Variants in F13A1 observed in about 807,000 individuals in gnomAD.
The protein encoded by F13A1 is coagulation factor XIII A chain.
A neutral mutation model predicts 80.1 loss-of-function variants in F13A1; 47 were observed. That is an observed-to-expected ratio of 0.59 (90% CI 0.46 to 0.75). The LOEUF is 0.75. Ranked by LOEUF, F13A1 falls within the 30% of genes least tolerant of loss-of-function variation. F13A1 has a pLI of 0.00. For synonymous variants in F13A1, 349 were observed against 344.9 expected, an observed-to-expected ratio of 1.01 and a Z score of -0.13; for missense variants, 817 against 930.4, an observed-to-expected ratio of 0.88 and a Z score of 1.59.
At chr6:6,281,933 T>G (rs3116568) in intron 3 of F13A1, among the ~76,000 whole-genome samples, 89,062 of 148,174 alleles carry the variant, frequency 0.6, 26,944 homozygotes, top group African/African-American at 0.71. Flanking sequence ...GGCAGAGCTT[T>G]CAGTGAGCCG....
chr6:6,182,743 T>TG (rs1761012067), intron 10 of F13A1, among the ~76,000 whole-genome samples: 1 of 152,146 alleles, frequency 6.6e-6, no homozygotes, highest in Non-Finnish European at 1.5e-5. Flanking sequence ...GAGAGGCGTT[T>TG]GGGGATTTGG....
At chr6:6,168,163 C>G (rs761099375) in intron 12 of F13A1, among the ~76,000 whole-genome samples, 2 of 152,256 alleles carry the variant, frequency 1.3e-5, no homozygotes, top group Non-Finnish European at 2.9e-5. Context: ...GAGAAGGAAG[C>G]TGTTGAAACC....
chr6:6,158,475 C>A (rs991586002), intron 13 of F13A1, among the ~76,000 whole-genome samples: 1 of 152,062 alleles, frequency 6.6e-6, no homozygotes, highest in African/African-American at 2.4e-5. Flanking sequence ...CCAGGGTGAC[C>A]CTGAGAACCT....
intron 5 of F13A1, among the ~76,000 whole-genome samples, chr6:6,249,244 CT>C (rs1415552149): frequency 3.3e-5 from 5 of 152,204 alleles, no homozygotes; most frequent in Non-Finnish European, 2.9e-5. Flanking sequence ...CCACACAATT[CT>C]TTATTCAGTC....
chr6:6,154,092 G>C (rs1181119512), intron 13 of F13A1, among the ~76,000 whole-genome samples: 1 of 142,196 alleles, frequency 7.0e-6, no homozygotes, highest in African/African-American at 2.6e-5. Flanking sequence ...AGCTGGAAAA[G>C]CCAACAACTC....
chr6:6,203,844 C>T (rs75397967), intron 8 of F13A1, among the ~76,000 whole-genome samples: 2,246 of 152,256 alleles, frequency 0.015, 40 homozygotes, highest in Middle Eastern at 0.054. Context: ...TACAGATGTT[C>T]TGAGTAGTTA....
At position 6,174,865 on chromosome 6, in the gene F13A1, G is replaced by C. The variant is rs764753561; in HGVS notation, c.1462C>G (p.Gln488Glu). 5.0e-6 allele frequency: 8 copies of C among 1,613,970 alleles called. No homozygotes were observed. The highest frequency in any genetic ancestry group is 6.8e-6 in the Non-Finnish European group (8 of 1,180,034). Reference protein sequence around the residue: ...ITDTYKFQEGQEEERLALETA... With the variant: ...ITDTYKFQEGEEEERLALETA... ...TCTAGGGCCAATCTCTCTTCTTCTT[G>C]ACCTGGGGGAGATCCAGAGATAATG... The change falls in exon 12 of 15, where the codon CAA becomes GAA. Residue 488 changes from glutamine (Q) to glutamate (E), a missense_variant and splice_region_variant. Transcript: ENST00000264870.
At chr6:6,310,452 G>A (rs1213908654) in intron 2 of F13A1, among the ~76,000 whole-genome samples, 1 of 152,152 alleles carries the variant, frequency 6.6e-6, no homozygotes, top group African/African-American at 2.4e-5. Context: ...ATATGGGAAT[G>A]AAGTACCTAT....
intron 3 of F13A1, among the ~76,000 whole-genome samples, chr6:6,276,700 C>T (rs776240463): frequency 1.3e-5 from 2 of 152,082 alleles, no homozygotes; most frequent in Non-Finnish European, 2.9e-5. Flanking sequence ...GCTAATGAAC[C>T]CTCTCAGTGC....
chr6:6,223,346 C>T lies in F13A1; in HGVS notation c.974-1175G>A, dbSNP rs187375228. Among the ~76,000 whole-genome samples the T allele has an allele frequency of 1.6e-3, 247 of 152,316 alleles. 1 individual carries two copies. The highest frequency in any genetic ancestry group is 4.7e-3 in the Admixed American group (72 of 15,298). ...TCTTGTTGTGAGCCGGAAGGAATTA[C>T]ACTGGGATAGTGAAATTGTAGGCAT... is the stretch of plus-strand genomic sequence containing the variant. On this transcript the variant is annotated intron_variant, in intron 7 of 14. Transcript: ENST00000264870.
chr6:6,209,174 A>T (rs1761551282), intron 8 of F13A1, among the ~76,000 whole-genome samples: 1 of 152,152 alleles, frequency 6.6e-6, no homozygotes, highest in Non-Finnish European at 1.5e-5. Flanking sequence ...ATGGGACAAA[A>T]ATATGAATAA....
At chr6:6,289,194 T>C (rs899954752) in intron 3 of F13A1, among the ~76,000 whole-genome samples, 8 of 152,012 alleles carry the variant, frequency 5.3e-5, no homozygotes, top group South Asian at 2.1e-4. Flanking sequence ...GGGGGTGGGG[T>C]AAAGTGATTC....
chr6:6,164,985 G>C (rs1418668980), intron 13 of F13A1, among the ~76,000 whole-genome samples: 1 of 152,184 alleles, frequency 6.6e-6, no homozygotes, highest in African/African-American at 2.4e-5. Flanking sequence ...TAGGGTGTGA[G>C]TGCTTTACCC....
chr6:6,230,942 G>A lies in F13A1; in HGVS notation c.799-6082C>T, dbSNP rs139746399. ...ATGGGACAAAATAATCTGAACAACAGCCTTCAGCCCTAGACCTTCCCTCTG... is the reference window on the plus strand; with the variant it reads ...ATGGGACAAAATAATCTGAACAACAACCTTCAGCCCTAGACCTTCCCTCTG... On this transcript the variant is annotated intron_variant, in intron 6 of 14. Transcript: ENST00000264870. 7.2e-3 allele frequency among the ~76,000 whole-genome samples: 1,090 copies of A among 152,282 alleles called. 10 individuals carry two copies. Among genetic ancestry groups the A allele is most frequent in the African/African-American group, 0.025 (1,044 of 41,544 alleles).
intron 3 of F13A1, among the ~76,000 whole-genome samples, chr6:6,297,689 A>C (rs2113169243): frequency 6.7e-6 from 1 of 149,204 alleles, no homozygotes; most frequent in East Asian, 1.9e-4. Context: ...TGATCCTTTC[A>C]AAAAACCAGC....
intron 4 of F13A1, among the ~76,000 whole-genome samples, chr6:6,265,149 G>A (rs1184784332): frequency 1.3e-5 from 2 of 152,130 alleles, no homozygotes; most frequent in Admixed American, 1.3e-4. Flanking sequence ...GTAGGACCAA[G>A]GTGTATGTTC....
At chr6:6,175,049 A>G (rs1583055997) in intron 11 of F13A1, among the ~76,000 whole-genome samples, 182 bp from the exon 12 acceptor site, 1 of 152,302 alleles carries the variant, frequency 6.6e-6, no homozygotes. Context: ...TCAGATTGCC[A>G]GACAGTCAGT....
intron 13 of F13A1, among the ~76,000 whole-genome samples, chr6:6,166,266 G>A (rs1030328190): frequency 3.9e-5 from 6 of 152,206 alleles, no homozygotes; most frequent in African/African-American, 1.4e-4. Context: ...CATGTAAAGT[G>A]CTTTAAGAAC....
chr6:6,316,630 G>A lies in F13A1; in HGVS notation c.130+1905C>T, dbSNP rs541184176. Among the ~76,000 whole-genome samples the A allele has an allele frequency of 1.6e-4, 25 of 152,228 alleles. 1 individual carries two copies. The South Asian group carries it at 5.0e-3, about 30-fold the overall frequency. On this transcript the variant is annotated intron_variant, in intron 2 of 14. Coordinates refer to ENST00000264870, the MANE Select transcript of F13A1 (RefSeq NM_000129.4). ...TTTGTTCAGATGTCAGATTTATGGGGGCTACAGGTCGTACATATTCCTCAT... is the reference window on the plus strand; with the variant it reads ...TTTGTTCAGATGTCAGATTTATGGGAGCTACAGGTCGTACATATTCCTCAT...
Sources: allele counts gnomAD v4.1 joint callset (sites outside exome capture counted in the v4.1 genomes callset), GRCh38; gene constraint gnomAD v4.1.1; transcripts MANE v1.5; gene names NCBI Gene and HGNC (gene_info 2026-07-23, HGNC 2026-07-21).